Variants in EDEM3 observed in about 807,000 individuals in gnomAD.
EDEM3 encodes the protein ER degradation enhancing alpha-mannosidase like protein 3.
A neutral mutation model predicts 110.2 loss-of-function variants in EDEM3; 60 were observed. The ratio of observed to expected loss-of-function variants is 0.54; its 90% CI spans 0.44 to 0.67. The LOEUF is 0.67. EDEM3 is among the 30% of genes least tolerant of loss of function. The pLI is 0.00. For missense variants in EDEM3, 996 were observed against 1,121.0 expected, an observed-to-expected ratio of 0.89 and a Z score of 1.59; for synonymous variants, 352 against 382.9, an observed-to-expected ratio of 0.92 and a Z score of 0.94.
chr1:184,739,205 C>G (rs1651996218), intron 2 of EDEM3, among the ~76,000 whole-genome samples: 1 of 149,888 alleles, frequency 6.7e-6, no homozygotes, highest in African/African-American at 2.4e-5. Context: ...ACTCCAAAAC[C>G]ATTATTTTAA....
Position 184,754,539 on chromosome 1 carries a change from C to T in EDEM3, c.108G>A (p.Val36=). The T allele has an allele frequency of 6.2e-7, 1 of 1,613,214 alleles. No individual in the cohort carries two copies. Among genetic ancestry groups the T allele is most frequent in the Non-Finnish European group, 8.5e-7 (1 of 1,179,840 alleles). ...TCATGGGCTCGGCCCCCGCCGTCCA[C>T]ACGGAGGTGGCCGACACCAGGCAGA... The part of the protein sequence containing the change: ...AAFCLVSATS[V]WTAGAEPMSR... The change falls in exon 1 of 20, where the codon GTG becomes GTA. Residue 36 remains valine, a synonymous_variant. Transcript: ENST00000318130.
At chr1:184,732,181 A>T (rs34618074) in intron 6 of EDEM3, among the ~76,000 whole-genome samples, 66 of 150,676 alleles carry the variant, frequency 4.4e-4, no homozygotes, top group African/African-American at 1.5e-3. Flanking sequence ...ATTCCCCCCC[A>T]CCAAAAAAAA....
chr1:184,693,942 G>A lies in EDEM3; in HGVS notation c.*121C>T. 2.0e-6 allele frequency: 2 copies of A among 979,396 alleles called. No individual in the cohort carries two copies. Among genetic ancestry groups the A allele is most frequent in the Middle Eastern group, 2.4e-4 (1 of 4,164 alleles). 60.7% of individuals were successfully genotyped at this position (979,396 alleles called of 1,614,324 possible). ...ACGATAACTACGCCAGTCAGAACGT[G>A]GTTGTTCATCACCATACTTAAAGCC... On this transcript the variant is annotated 3_prime_UTR_variant, in exon 20 of 20. Transcript: ENST00000318130.
chr1:184,737,848 T>C (rs1651922138), intron 2 of EDEM3, 137 bp from the exon 3 acceptor site: 1 of 713,474 alleles, frequency 1.4e-6, no homozygotes, highest in East Asian at 2.9e-5. Context: ...TGGAATCTTT[T>C]CAAAAATCTT....
At chr1:184,746,339 C>T (rs769388176) in intron 2 of EDEM3, among the ~76,000 whole-genome samples, 5 of 152,164 alleles carry the variant, frequency 3.3e-5, no homozygotes, top group Non-Finnish European at 5.9e-5. Flanking sequence ...AGAATGTATG[C>T]GCTTTAAGCA....
rs765222994 is a variant in EDEM3 at position 184,723,906 on chromosome 1, T to C, written c.748-50A>G. 3.7e-6 allele frequency: 5 copies of C among 1,347,516 alleles called. No homozygotes were observed. In the South Asian group the frequency reaches 4.3e-5, roughly 12 times the overall value. The allele number at this position is 1,347,516 out of a possible 1,614,324, so 83.5% of individuals were successfully genotyped here. A position where few individuals can be genotyped will look rare whatever the true frequency, so the allele number is the denominator to read the frequency against. Reference sequence around the variant, plus strand: ...AAAAAGAAGTGCATATTTGAAGAACTAAGTCTCTTTGGCAAATAGGAAACT... The same window carrying C: ...AAAAAGAAGTGCATATTTGAAGAACCAAGTCTCTTTGGCAAATAGGAAACT... On this transcript the variant is annotated intron_variant, in intron 7 of 19. Transcript: ENST00000318130.
At chr1:184,742,706 G>A (rs944081143) in intron 2 of EDEM3, among the ~76,000 whole-genome samples, 2 of 152,070 alleles carry the variant, frequency 1.3e-5, no homozygotes, top group African/African-American at 4.8e-5. Flanking sequence ...ACTTTTACAC[G>A]TATCTTTTCA....
intron 13 of EDEM3, among the ~76,000 whole-genome samples, chr1:184,715,394 G>A (rs942076134): frequency 6.6e-6 from 1 of 152,110 alleles, no homozygotes; most frequent in African/African-American, 2.4e-5. Flanking sequence ...ATATCACATG[G>A]TTGTGATTAT....
intron 13 of EDEM3, among the ~76,000 whole-genome samples, chr1:184,714,543 AGG>A (rs767612166): frequency 1.3e-5 from 2 of 152,166 alleles, no homozygotes; most frequent in Non-Finnish European, 2.9e-5. Context: ...TTAGATCTAT[AGG>A]GTAATAAACC....
intron 8 of EDEM3, among the ~76,000 whole-genome samples, chr1:184,721,976 T>C (rs889469162): frequency 6.6e-6 from 1 of 151,996 alleles, no homozygotes; most frequent in Non-Finnish European, 1.5e-5. Context: ...TTCATGTTTG[T>C]AGCAATATGT....
At chr1:184,703,384 A>G (rs1649737411) in intron 18 of EDEM3, among the ~76,000 whole-genome samples, 1 of 152,226 alleles carries the variant, frequency 6.6e-6, no homozygotes, top group African/African-American at 2.4e-5. Flanking sequence ...GAAAAAATCA[A>G]TGACTCGGAT....
intron 19 of EDEM3, among the ~76,000 whole-genome samples, chr1:184,696,287 T>C (rs1200026226): frequency 6.6e-6 from 1 of 151,998 alleles, no homozygotes; most frequent in Admixed American, 6.6e-5. Flanking sequence ...GTCTAAGCAC[T>C]GGACCTCTTC....
chr1:184,749,971 A>C (rs1454052785), intron 1 of EDEM3, among the ~76,000 whole-genome samples: 1 of 152,238 alleles, frequency 6.6e-6, no homozygotes, highest in Non-Finnish European at 1.5e-5. Context: ...TTTGCTGGAC[A>C]GCCCTTTAAA....
chr1:184,727,492 T>C lies in EDEM3; in HGVS notation c.613-1103A>G, dbSNP rs533669320. Among the ~76,000 whole-genome samples, 27 of 152,256 alleles carry C rather than the reference T, an allele frequency of 1.8e-4. No homozygotes were observed. In the East Asian group the frequency reaches 4.2e-3, roughly 24 times the overall value. ...GTTCAGTTATTATTCAAACTCTATA[T>C]AAAGAGAAGCTCAAAAAATTTATAT... On this transcript the variant is annotated intron_variant, in intron 6 of 19. Transcript: ENST00000318130.
At chr1:184,742,169 G>T (rs1652179890) in intron 2 of EDEM3, among the ~76,000 whole-genome samples, 1 of 152,028 alleles carries the variant, frequency 6.6e-6, no homozygotes, top group African/African-American at 2.4e-5. Flanking sequence ...AATACACACA[G>T]AAAGGGGGGG....
chr1:184,713,260 C>T (rs1456647565), intron 13 of EDEM3, among the ~76,000 whole-genome samples: 10 of 151,654 alleles, frequency 6.6e-5, no homozygotes, highest in Non-Finnish European at 1.0e-4. Context: ...GAGCAAGACT[C>T]CGACTCAAAA....
At chr1:184,752,022 G>A (rs1259968991) in intron 1 of EDEM3, among the ~76,000 whole-genome samples, 1 of 152,134 alleles carries the variant, frequency 6.6e-6, no homozygotes, top group Admixed American at 6.5e-5. Context: ...CAAAGTGCTG[G>A]GATTACAGGC....
intron 6 of EDEM3, among the ~76,000 whole-genome samples, chr1:184,730,235 G>A (rs1175392202): frequency 6.6e-6 from 1 of 152,050 alleles, no homozygotes; most frequent in Non-Finnish European, 1.5e-5. Context: ...CTTCCTCTTC[G>A]AGTAATTTAT....
chr1:184,696,106 T>C (rs1291591758), intron 19 of EDEM3, among the ~76,000 whole-genome samples: 1 of 151,828 alleles, frequency 6.6e-6, no homozygotes, highest in African/African-American at 2.4e-5. Flanking sequence ...AATCCCTCCC[T>C]AGGACTCTCA....
Sources: gnomAD v4.1 joint callset for allele counts (sites outside exome capture counted in the v4.1 genomes callset) on GRCh38, gnomAD v4.1.1 for gene constraint, MANE v1.5 for transcripts, NCBI Gene and HGNC (gene_info 2026-07-23, HGNC 2026-07-21) for gene names.